Variants in TMTC2 observed in about 807,000 individuals in gnomAD.
TMTC2 encodes transmembrane O-mannosyltransferase targeting cadherins 2.
A neutral mutation model predicts 82.4 loss-of-function variants in TMTC2; 43 were observed. The observed-to-expected ratio is 0.52, with a 90% confidence interval of 0.41 to 0.67. The LOEUF is 0.67. TMTC2 is among the 30% of genes least tolerant of loss of function. The pLI is 0.00. For missense variants in TMTC2, 919 were observed against 1,012.4 expected (o/e 0.91, Z 1.25); for synonymous variants, 408 against 381.9 (o/e 1.07, Z -0.80).
At chr12:82,882,685 T>A (rs1422180832) in intron 2 of TMTC2, among the ~76,000 whole-genome samples, 1 of 152,104 alleles carries the variant, frequency 6.6e-6, no homozygotes, top group Non-Finnish European at 1.5e-5. Context: ...AATTGCTGAA[T>A]AGTTTAAAAT....
At chr12:82,720,923 T>C (rs1044097164) in intron 1 of TMTC2, among the ~76,000 whole-genome samples, 27 of 152,302 alleles carry the variant, frequency 1.8e-4, no homozygotes, top group Admixed American at 5.2e-4. Context: ...AACATTTTAT[T>C]TGGGTCTAGA....
At chr12:82,985,491 T>A (rs1422023646) in intron 7 of TMTC2, among the ~76,000 whole-genome samples, 1 of 152,206 alleles carries the variant, frequency 6.6e-6, no homozygotes, top group East Asian at 1.9e-4. Context: ...ATCTCACACT[T>A]TTTTCTTATA....
chr12:82,931,710 T>A (rs1876038998), intron 4 of TMTC2, among the ~76,000 whole-genome samples: 2 of 152,174 alleles, frequency 1.3e-5, no homozygotes, highest in African/African-American at 4.8e-5. Context: ...TTTGCTCCAT[T>A]TTCTGTGGTA....
chr12:82,818,075 T>G (rs924152460), intron 1 of TMTC2, among the ~76,000 whole-genome samples: 2 of 152,172 alleles, frequency 1.3e-5, no homozygotes, highest in African/African-American at 4.8e-5. Context: ...TCTTATCATT[T>G]AGTGCTATAT....
intron 7 of TMTC2, among the ~76,000 whole-genome samples, chr12:82,983,812 A>G (rs1879035053): frequency 6.6e-6 from 1 of 152,000 alleles, no homozygotes; most frequent in African/African-American, 2.4e-5. Flanking sequence ...AAATATGTGG[A>G]TATGTTTTCT....
rs563009072 is a variant in TMTC2, at chr12:83,060,359, T to A, written c.2268-1409T>A. On this transcript the variant is annotated intron_variant, in intron 10 of 11. Transcript: ENST00000321196. ...ATGGGGTATGTTTTTATAGTTTGTA[T>A]TTGGCTTGACCAAAGTACAAATTCA... Among the ~76,000 whole-genome samples, 3 of 151,912 alleles carry A rather than the reference T, an allele frequency of 2.0e-5. No homozygotes were observed. In the East Asian group the frequency reaches 5.8e-4, roughly 29 times the overall value.
At chr12:82,996,753 A>G (rs1879633399) in intron 8 of TMTC2, among the ~76,000 whole-genome samples, 1 of 152,212 alleles carries the variant, frequency 6.6e-6, no homozygotes, top group South Asian at 2.1e-4. Flanking sequence ...TAACATCACC[A>G]AGAAATTTTT....
intron 8 of TMTC2, among the ~76,000 whole-genome samples, chr12:83,003,764 C>A (rs1469039048): frequency 2.0e-5 from 3 of 151,978 alleles, no homozygotes; most frequent in Admixed American, 1.3e-4. Flanking sequence ...TGGCTTGTAA[C>A]GTTACTGCTG....
intron 1 of TMTC2, among the ~76,000 whole-genome samples, chr12:82,820,028 G>A (rs1234856854): frequency 1.3e-5 from 2 of 152,108 alleles, no homozygotes; most frequent in African/African-American, 4.8e-5. Context: ...TGTGGTCAAA[G>A]GTCCAAGAGT....
chr12:82,805,909 C>T (rs190736300), intron 1 of TMTC2, among the ~76,000 whole-genome samples: 2 of 152,168 alleles, frequency 1.3e-5, no homozygotes, highest in Admixed American at 1.3e-4. Context: ...CTTTATTGAA[C>T]ATCTAGTTGG....
chr12:82,710,295 A>G (rs1873562297), intron 1 of TMTC2, among the ~76,000 whole-genome samples: 2 of 152,322 alleles, frequency 1.3e-5, no homozygotes, highest in South Asian at 4.1e-4. Flanking sequence ...CTCTAATCAC[A>G]GTGATCATTT....
intron 1 of TMTC2, among the ~76,000 whole-genome samples, chr12:82,845,231 A>T (rs1317197031): frequency 1.8e-5 from 2 of 108,274 alleles, no homozygotes; most frequent in African/African-American, 8.8e-5. Context: ...TGTCTCAAAA[A>T]AAAAAAAAAA....
At chr12:82,810,689 C>T (rs1254630053) in intron 1 of TMTC2, among the ~76,000 whole-genome samples, 1 of 151,920 alleles carries the variant, frequency 6.6e-6, no homozygotes, top group Non-Finnish European at 1.5e-5. Flanking sequence ...AATTGTAATC[C>T]CCATAATCCC....
At chr12:83,085,433 A>G (rs1049532711) in intron 11 of TMTC2, among the ~76,000 whole-genome samples, 2 of 152,198 alleles carry the variant, frequency 1.3e-5, no homozygotes, top group East Asian at 3.9e-4. Flanking sequence ...TACATCCAAG[A>G]TTTTTCTTTC....
Position 83,061,792 on chromosome 12 carries a change from T to C in TMTC2, c.2292T>C (p.Ala764=), listed in dbSNP as rs1882752153. The C allele has an allele frequency of 1.3e-6, 2 of 1,597,898 alleles. No homozygotes were observed. The highest frequency in any genetic ancestry group is 2.3e-5 in the East Asian group (1 of 44,378). The change falls in exon 11 of 12, where the codon GCT becomes GCC. Residue 764 remains alanine, a synonymous_variant. Transcript: ENST00000321196. ...GACAGGCTAGCCTCAATGAAGCAGCTGAGAAGTATTATGATCTGGCAGCCA... is the reference window on the plus strand; with the variant it reads ...GACAGGCTAGCCTCAATGAAGCAGCCGAGAAGTATTATGATCTGGCAGCCA... ...MLRQASLNEA[A]EKYYDLAARL...
chr12:82,959,186 A>G (rs1877779054), intron 4 of TMTC2, among the ~76,000 whole-genome samples: 1 of 152,168 alleles, frequency 6.6e-6, no homozygotes, highest in Non-Finnish European at 1.5e-5. Flanking sequence ...GATGACACAA[A>G]CTATGGAAAA....
At chr12:82,942,165 A>T (rs753351339) in intron 4 of TMTC2, among the ~76,000 whole-genome samples, 22 of 152,248 alleles carry the variant, frequency 1.4e-4, no homozygotes, top group Non-Finnish European at 2.9e-4. Context: ...ACATATTTTA[A>T]TTCAGAATTG....
At position 82,951,199 on chromosome 12, in the gene TMTC2, G is replaced by A. The variant is rs368217231; in HGVS notation, c.1599-13825G>A. Among the ~76,000 whole-genome samples, 59 of 152,272 alleles carry A rather than the reference G, an allele frequency of 3.9e-4. 1 individual carries two copies. In the South Asian group the frequency reaches 0.012, roughly 32 times the overall value. ...TACCTAGTTTATGTGTGGCATGGTG[G>A]TGGTTTTTCTGTCCATCTCCTTTTT... On this transcript the variant is annotated intron_variant, in intron 4 of 11. Transcript: ENST00000321196.
chr12:82,792,852 A>G (rs567748783), intron 1 of TMTC2, among the ~76,000 whole-genome samples: 1 of 152,076 alleles, frequency 6.6e-6, no homozygotes, highest in African/African-American at 2.4e-5. Flanking sequence ...TTATTTTTTG[A>G]AGATATATAG....
Sources: gnomAD v4.1 joint callset for allele counts (sites outside exome capture counted in the v4.1 genomes callset) on GRCh38, gnomAD v4.1.1 for gene constraint, MANE v1.5 for transcripts, NCBI Gene and HGNC (gene_info 2026-07-23, HGNC 2026-07-21) for gene names.